The following ADAMTSL5 variants were observed in gnomAD, a reference collection of about 807,000 sequenced individuals.
ADAMTSL5 encodes ADAMTS-like protein 5.
In ADAMTSL5, 53 loss-of-function variants were observed where a neutral mutation model predicts 51.7. The ratio of observed to expected loss-of-function variants is 1.03; its 90% CI spans 0.82 to 1.29. The LOEUF (loss-of-function observed/expected upper bound fraction) is 1.29. ADAMTSL5 is among the 50% of genes most tolerant of loss of function. The pLI, the probability that ADAMTSL5 is intolerant of heterozygous loss-of-function variation, is 0.00. For synonymous variants in ADAMTSL5, 285 were observed against 278.7 expected, an observed-to-expected ratio of 1.02 and a Z score of -0.23; for missense variants, 770 against 676.2, an observed-to-expected ratio of 1.14 and a Z score of -1.54.
chr19:1,508,233 A>G, intron 6 of ADAMTSL5, 124 bp from the exon 7 acceptor site: 1 of 1,203,328 alleles, frequency 8.3e-7, no homozygotes, highest in South Asian at 1.5e-5. Flanking sequence ...CCTAGGGAGG[A>G]GCAGGACCTG....
intron 1 of ADAMTSL5, chr19:1,511,797 C>T: frequency 3.0e-6 from 1 of 331,988 alleles, no homozygotes; most frequent in Non-Finnish European, 6.1e-6. Flanking sequence ...CAGCTGCACC[C>T]CGGCCCCAGG....
intron 9 of ADAMTSL5, 126 bp downstream of exon 9, chr19:1,507,116 C>A (rs189471630): frequency 0.017 from 22,036 of 1,322,250 alleles, 248 homozygotes; most frequent in Non-Finnish European, 0.02. Flanking sequence ...TCTGTCCCAG[C>A]CTCTCCCCTC....
At position 1,506,044 on chromosome 19, in the gene ADAMTSL5, G is replaced by C; in HGVS notation, c.1387C>G (p.Arg463Gly). 1.3e-6 allele frequency: 2 copies of C among 1,586,064 alleles called. No individual in the cohort carries two copies. The highest frequency in any genetic ancestry group is 1.1e-5 in the South Asian group (1 of 88,272). ...PWSPAEDSRI[R>G]LTARRCPG Reference sequence around the variant, plus strand: ...CCAGGACAGCGCCGGGCAGTCAGGCGTATGCGGCTGTCCTCCGCAGGGCTC... The same window carrying C: ...CCAGGACAGCGCCGGGCAGTCAGGCCTATGCGGCTGTCCTCCGCAGGGCTC... The change falls in exon 12 of 12, where the codon CGC becomes GGC. Residue 463 changes from arginine (R) to glycine (G), a missense_variant. By Grantham distance (125) the Arg-to-Gly change is moderately radical (BLOSUM62 -2). Coordinates refer to ENST00000330475, the MANE Select transcript of ADAMTSL5 (RefSeq NM_213604.3). This position sits in a 1 kb window ranked among gnomAD's most constrained non-coding sequence, Gnocchi z 5.6.
At position 1,506,149 on chromosome 19, in the gene ADAMTSL5, T is replaced by C. The variant is rs1027953331; in HGVS notation, c.1282A>G (p.Met428Val). Residue 428 changes from methionine (M) to valine (V), a missense_variant, in exon 12 of 12, where the codon ATG becomes GTG. Met to Val is a conservative substitution (Grantham distance 21). Coordinates refer to ENST00000330475, the MANE Select transcript of ADAMTSL5 (RefSeq NM_213604.3). The surrounding 1 kb of genome is among the most constrained non-coding windows in gnomAD (Gnocchi z 5.6). ...PMLAPHRDYL[M>V]AVQRLVSPDG... ...GGGCTGACAAGACGCTGGACAGCCA[T>C]CAGGTAGTCCCGGTGGGGTGCCAGC... The C allele has an allele frequency of 3.1e-6, 5 of 1,608,808 alleles. No individual in the cohort carries two copies. Among genetic ancestry groups the C allele is most frequent in the African/African-American group, 1.3e-5 (1 of 74,854 alleles).
chr19:1,511,968 G>T (rs1913284740), intron 1 of ADAMTSL5, among the ~76,000 whole-genome samples: 1 of 152,224 alleles, frequency 6.6e-6, no homozygotes, highest in Non-Finnish European at 1.5e-5. Flanking sequence ...CACTGCTGAG[G>T]CTGGAGCAGG....
chr19:1,510,621 C>G lies in ADAMTSL5; in HGVS notation c.191+18G>C. On this transcript the variant is annotated intron_variant, in intron 3 of 11. Transcript: ENST00000330475. Reference sequence around the variant, plus strand: ...GGCGGGGGAGGAGGGGCAGGGACCCCCTCCGGGCCCCGCTCACCGGAGGCA... The same window carrying G: ...GGCGGGGGAGGAGGGGCAGGGACCCGCTCCGGGCCCCGCTCACCGGAGGCA... 6.6e-7 allele frequency: 1 copy of G among 1,525,050 alleles called. No individual in the cohort carries two copies. Among genetic ancestry groups the G allele is most frequent in the Non-Finnish European group, 8.8e-7 (1 of 1,134,956 alleles). 94.5% of individuals were successfully genotyped at this position (1,525,050 alleles called of 1,614,324 possible). A position where few individuals can be genotyped will look rare whatever the true frequency, so the allele number is the denominator to read the frequency against.
intron 7 of ADAMTSL5, 54 bp downstream of exon 7, chr19:1,507,944 T>C: frequency 6.6e-7 from 1 of 1,519,714 alleles, no homozygotes; most frequent in East Asian, 2.5e-5. Flanking sequence ...GGGCCACGGC[T>C]CGTTAAAGGG....
chr19:1,511,765 T>C (rs1913274858), intron 1 of ADAMTSL5: 2 of 402,012 alleles, frequency 5.0e-6, no homozygotes, highest in Non-Finnish European at 9.8e-6. Flanking sequence ...GGATCAGGAG[T>C]TGGGTCCCTA....
intron 1 of ADAMTSL5, chr19:1,511,668 T>C: frequency 9.5e-7 from 1 of 1,047,994 alleles, no homozygotes; most frequent in Non-Finnish European, 1.3e-6. Flanking sequence ...CTCCCAGGCC[T>C]CAGTTTCCCC....
rs962751846 is a variant in ADAMTSL5 at position 1,510,668 on chromosome 19, G to A, written c.162C>T (p.Gly54=). 16 of 1,541,716 alleles carry A rather than the reference G, an allele frequency of 1.0e-5. No homozygotes were observed. In the African/African-American group the frequency reaches 1.2e-4, roughly 12 times the overall value. ...GGCAGCGCCGGCTGCGCACAGAGAC[G>A]CCACGCCCGCAGGAGCTGGAGCAGC... ...WTRCSSSCGR[G]VSVRSRRCLR... The change falls in exon 3 of 12, where the codon GGC becomes GGT. Residue 54 remains glycine, a synonymous_variant. Coordinates refer to ENST00000330475, the MANE Select transcript of ADAMTSL5 (RefSeq NM_213604.3).
At chr19:1,511,489 T>C (rs1913261177) in intron 1 of ADAMTSL5, 1 of 1,103,930 alleles carries the variant, frequency 9.1e-7, no homozygotes, top group Non-Finnish European at 1.1e-6. Flanking sequence ...ATTATTGATA[T>C]GTGTATTGTG....
chr19:1,508,506 G>C lies in ADAMTSL5; in HGVS notation c.426C>G (p.Arg142=), dbSNP rs754409046. 1.9e-6 allele frequency: 3 copies of C among 1,587,008 alleles called. No individual in the cohort carries two copies. Among genetic ancestry groups the C allele is most frequent in the Middle Eastern group, 3.3e-4 (2 of 6,030 alleles). Residue 142 remains arginine, a synonymous_variant, in exon 6 of 12, where the codon CGC becomes CGG. Coordinates refer to ENST00000330475, the MANE Select transcript of ADAMTSL5 (RefSeq NM_213604.3). The part of the protein sequence containing the change: ...EGHAFYHSFG[R]VLDGTACSPG... ...GGCTGCAGGCGGTGCCGTCCAGGAC[G>C]CGGCCGAAGCTGTGGTAGAAGGCGT... is the stretch of plus-strand genomic sequence containing the variant.
rs1426888880 is a variant in ADAMTSL5, at chr19:1,506,459, A to G, written c.1114+131T>C. 7.6e-6 allele frequency: 11 copies of G among 1,452,000 alleles called. No homozygotes were observed. Among genetic ancestry groups the G allele is most frequent in the Middle Eastern group, 1.8e-4 (1 of 5,602 alleles). 89.9% of individuals were successfully genotyped at this position (1,452,000 alleles called of 1,614,324 possible). ...AGAGTCAGGATCACGTCAGGGATCA[A>G]TGAGGGATTAGGGTCAAGAGGCAAA... On this transcript the variant is annotated intron_variant, in intron 11 of 11. Transcript: ENST00000330475. The surrounding 1 kb of genome is among the most constrained non-coding windows in gnomAD (Gnocchi z 5.6).
chr19:1,507,743 G>A, intron 7 of ADAMTSL5, 100 bp from the exon 8 acceptor site: 1 of 1,261,660 alleles, frequency 7.9e-7, no homozygotes, highest in South Asian at 1.2e-5. Context: ...CAGCTAGCCA[G>A]GGTCCTGGGA....
At chr19:1,510,573 G>A in intron 3 of ADAMTSL5, 66 bp downstream of exon 3, 2 of 1,467,366 alleles carry the variant, frequency 1.4e-6, no homozygotes, top group Non-Finnish European at 1.8e-6. Flanking sequence ...GGCCGAGGGT[G>A]CGGCCAGGGG....
chr19:1,511,225 T>G, intron 1 of ADAMTSL5, 65 bp from the exon 2 acceptor site: 1 of 216,038 alleles, frequency 4.6e-6, no homozygotes, highest in African/African-American at 2.3e-5. Context: ...TCGCCCAGGC[T>G]GGAGTGCAGG....
chr19:1,510,735 T>A lies in ADAMTSL5; in HGVS notation c.100-5A>T, dbSNP rs756210827. On this transcript the variant is annotated splice_polypyrimidine_tract_variant and splice_region_variant and intron_variant, in intron 2 of 11. Transcript: ENST00000330475. The stretch of plus-strand genomic sequence containing the variant: ...CGGGGTCCACTCGCCCGGACCCTAC[T>A]TGGGGAGACAGAGGCACGGTCAGCC... 6.5e-7 allele frequency: 1 copy of A among 1,531,286 alleles called. No homozygotes were observed. Among genetic ancestry groups the A allele is most frequent in the Admixed American group, 2.0e-5 (1 of 48,866 alleles). The allele number at this position is 1,531,286 out of a possible 1,614,324, so 94.9% of individuals were successfully genotyped here. A position where few individuals can be genotyped will look rare whatever the true frequency, so the allele number is the denominator to read the frequency against.
chr19:1,507,812 G>A (rs1481885903), intron 7 of ADAMTSL5, among the ~76,000 whole-genome samples, 169 bp from the exon 8 acceptor site: 2 of 152,004 alleles, frequency 1.3e-5, no homozygotes, highest in Non-Finnish European at 2.9e-5. Context: ...AGTGTGGCAG[G>A]GAAAGGGTTA....
In ADAMTSL5 at chr19:1,506,881, G is replaced by A; in HGVS notation, c.900C>T (p.Leu300=). 1 of 1,549,074 alleles carries A rather than the reference G, an allele frequency of 6.5e-7. No individual in the cohort carries two copies. Among genetic ancestry groups the A allele is most frequent in the African/African-American group, 1.4e-5 (1 of 73,012 alleles). ...GGAAGGGGCTGTAGCGCTCCCGAGGGAGCCAGAACTCAAACTCGATGCCAG... is the reference window on the plus strand; with the variant it reads ...GGAAGGGGCTGTAGCGCTCCCGAGGAAGCCAGAACTCAAACTCGATGCCAG... ...PNPGIEFEFW[L]PRERYSPFQA... is the part of the protein sequence containing the mutation. The change falls in exon 10 of 12, where the codon CTC becomes CTT. Residue 300 remains leucine, a synonymous_variant. Coordinates refer to ENST00000330475, the MANE Select transcript of ADAMTSL5 (RefSeq NM_213604.3). This position sits in a 1 kb window ranked among gnomAD's most constrained non-coding sequence, Gnocchi z 5.6.
Sources: allele counts gnomAD v4.1 joint callset (sites outside exome capture counted in the v4.1 genomes callset), GRCh38; gene constraint gnomAD v4.1.1; non-coding constraint Gnocchi (gnomAD v3.1); transcripts MANE v1.5; gene names NCBI Gene and HGNC (gene_info 2026-07-23, HGNC 2026-07-21).